Variants in MCF2 observed in about 807,000 individuals in gnomAD.
MCF2 encodes MCF.2 cell line derived transforming sequence, also known as proto-oncogene DBL.
MCF2 carries 44 observed loss-of-function variants against 82.5 expected under a neutral mutation model. The observed-to-expected ratio is 0.53, with a 90% CI of 0.42 to 0.69. MCF2 has a LOEUF of 0.69. MCF2 is among the 30% of genes least tolerant of loss of function. The pLI is 0.00. For missense variants in MCF2, 623 were observed against 663.1 expected, an observed-to-expected ratio of 0.94 and a Z score of 0.66; for synonymous variants, 217 against 224.9, an observed-to-expected ratio of 0.96 and a Z score of 0.32.
intron 4 of MCF2, among the ~76,000 whole-genome samples, chrX:139,627,082 T>C (rs1038988171): frequency 4.5e-5 from 5 of 111,816 alleles, no homozygotes; most frequent in Non-Finnish European, 7.5e-5. Flanking sequence ...GTCCATCCTA[T>C]TCTGCTAATA....
exon 5 of MCF2, chrX:139,626,635 T>C (rs1188239400): frequency 1.7e-6 from 2 of 1,209,013 alleles, no homozygotes; most frequent in Non-Finnish European, 2.2e-6. Flanking sequence ...ATTAATAGTT[T>C]GCCAGTCACC....
At chrX:139,588,496 G>A in intron 20 of MCF2, 58 bp from the exon 25 acceptor site, 2 of 708,597 alleles carry the variant, frequency 2.8e-6, no homozygotes, top group Admixed American at 5.0e-5. Context: ...TAAAAAGGAT[G>A]TACTATAATA....
intron 1 of MCF2, among the ~76,000 whole-genome samples, chrX:139,690,403 A>T (rs1384590277): frequency 9.6e-6 from 1 of 104,040 alleles, no homozygotes; most frequent in Non-Finnish European, 1.9e-5. Flanking sequence ...ACAAAACGCA[A>T]AGTACTTTCC....
exon 17 of MCF2, chrX:139,598,450 G>C: frequency 8.6e-7 from 1 of 1,166,096 alleles, no homozygotes; most frequent in Non-Finnish European, 1.1e-6. Flanking sequence ...ACTGGTTTGA[G>C]TAAATAGGAA....
intron 10 of MCF2, among the ~76,000 whole-genome samples, chrX:139,611,954 A>G (rs1931527666): frequency 9.0e-6 from 1 of 110,838 alleles, no homozygotes; most frequent in African/African-American, 3.3e-5. Flanking sequence ...ATGTCCACAA[A>G]GTAAGACACC....
chrX:139,596,501 C>G (rs1930110774), intron 19 of MCF2, 48 bp downstream of exon 23: 1 of 942,177 alleles, frequency 1.1e-6, no homozygotes, highest in Admixed American at 2.3e-5. Flanking sequence ...AACTGGGAGA[C>G]ACACACACAC....
At chrX:139,600,875 A>G (rs1336426661) in intron 16 of MCF2, among the ~76,000 whole-genome samples, 2 of 111,890 alleles carry the variant, frequency 1.8e-5, no homozygotes, top group Non-Finnish European at 3.8e-5. Flanking sequence ...AGAAGAAAAA[A>G]AGCAAAGTGA....
intron 1 of MCF2, among the ~76,000 whole-genome samples, chrX:139,693,351 T>A (rs1472994274): frequency 2.7e-5 from 3 of 111,349 alleles, no homozygotes; most frequent in Non-Finnish European, 5.6e-5. Flanking sequence ...CTTTTCAAAA[T>A]TTTCTGGCAG....
In MCF2 at chrX:139,622,494, C is replaced by T. The variant is rs6634091; in HGVS notation, c.688-2788G>A. Among the ~76,000 whole-genome samples, 717 of 111,425 alleles carry T rather than the reference C, an allele frequency of 6.4e-3. 5 individuals carry two copies. The highest frequency in any genetic ancestry group is 0.022 in the African/African-American group (666 of 30,659). ...TGGAACCAAGCCAAATGTCCAACAA[C>T]GATAGAGTGGATTAAGAAAATGTGG... On this transcript the variant is annotated intron_variant, in intron 6 of 24. Transcript: ENST00000370576.
intron 1 of MCF2, among the ~76,000 whole-genome samples, chrX:139,705,473 A>G (rs908623260): frequency 8.9e-6 from 1 of 112,659 alleles, no homozygotes; most frequent in African/African-American, 3.2e-5. Flanking sequence ...AAACAATTCC[A>G]TATTCAGTAA....
At chrX:139,686,593 G>A (rs747522566) in intron 1 of MCF2, among the ~76,000 whole-genome samples, 15 of 110,504 alleles carry the variant, frequency 1.4e-4, no homozygotes, top group Non-Finnish European at 3.8e-5. Flanking sequence ...GTAAACCTAC[G>A]CCTCCTGCAG....
intron 1 of MCF2, among the ~76,000 whole-genome samples, chrX:139,639,828 T>C (rs962994611): frequency 1.8e-5 from 2 of 112,133 alleles, no homozygotes; most frequent in Admixed American, 9.5e-5. Context: ...TTACTTACTA[T>C]AAAAATAATT....
chrX:139,615,277 G>C (rs1931813580), intron 9 of MCF2, among the ~76,000 whole-genome samples: 1 of 111,718 alleles, frequency 9.0e-6, no homozygotes, highest in Admixed American at 9.5e-5. Flanking sequence ...CCAAGAAGCA[G>C]TCATGAAATT....
exon 22 of MCF2, chrX:139,587,719 T>A: frequency 8.5e-7 from 1 of 1,173,905 alleles, no homozygotes; most frequent in East Asian, 3.0e-5. Context: ...CACTTACTCA[T>A]CATTCTGCTG....
chrX:139,640,959 T>A (rs1238307520), intron 1 of MCF2, among the ~76,000 whole-genome samples: 1 of 110,657 alleles, frequency 9.0e-6, no homozygotes, highest in Non-Finnish European at 1.9e-5. Context: ...AGAATTTCTT[T>A]TCAAAATAGT....
rs113736038 is a variant in MCF2 at position 139,640,886 on chromosome X, C to T, written c.51+1582G>A. Among the ~76,000 whole-genome samples the T allele has an allele frequency of 9.1e-3, 1,011 of 110,609 alleles. 14 individuals carry two copies. Among genetic ancestry groups the T allele is most frequent in the African/African-American group, 0.029 (895 of 30,527 alleles). On this transcript the variant is annotated intron_variant, in intron 1 of 24. Transcript: ENST00000370576. ...AAGAATCAAGGAAAGGTAACAGCAACATATACTCTTACTTAACACCCAAAC... is the reference window on the plus strand; with the variant it reads ...AAGAATCAAGGAAAGGTAACAGCAATATATACTCTTACTTAACACCCAAAC...
chrX:139,590,958 T>C (rs1929469139), intron 19 of MCF2, among the ~76,000 whole-genome samples: 1 of 111,716 alleles, frequency 9.0e-6, no homozygotes, highest in Non-Finnish European at 1.9e-5. Context: ...TGTCCCAAAC[T>C]ATCTTTATAT....
intron 1 of MCF2, among the ~76,000 whole-genome samples, chrX:139,638,084 C>T (rs1452168871): frequency 8.9e-6 from 1 of 111,794 alleles, no homozygotes; most frequent in East Asian, 2.8e-4. Context: ...ACCTCCAGAA[C>T]CGTAATGATA....
At chrX:139,612,946 C>T (rs772199806) in intron 10 of MCF2, among the ~76,000 whole-genome samples, 3 of 111,891 alleles carry the variant, frequency 2.7e-5, no homozygotes, top group Non-Finnish European at 3.8e-5. Context: ...ATTTTAGCAT[C>T]GCCAATTGTT....
Sources: gnomAD v4.1 joint callset for allele counts (sites outside exome capture counted in the v4.1 genomes callset) on GRCh38, gnomAD v4.1.1 for gene constraint, MANE v1.5 for transcripts, NCBI Gene and HGNC (gene_info 2026-07-23, HGNC 2026-07-21) for gene names.